The following BRWD3 variants were observed in gnomAD, a reference collection of about 807,000 sequenced individuals.
BRWD3 encodes bromodomain and WD repeat-containing protein 3.
In BRWD3, 10 loss-of-function variants were observed where a neutral mutation model predicts 149.7. The ratio of observed to expected loss-of-function variants is 0.07; its 90% CI spans 0.04 to 0.11. The LOEUF is 0.11. Ranked by LOEUF, BRWD3 falls within the 10% of genes least tolerant of loss-of-function variation. BRWD3 has a pLI of 1.00. For synonymous variants in BRWD3, 504 were observed against 456.7 expected, an observed-to-expected ratio of 1.10 and a Z score of -1.32; for missense variants, 940 against 1,373.2, an observed-to-expected ratio of 0.68 and a Z score of 4.99.
At position 80,808,626 on chromosome X, in the gene BRWD3, A is replaced by T. The variant is rs1334675167; in HGVS notation, c.121-28T>A. 4 of 1,182,077 alleles carry T rather than the reference A, an allele frequency of 3.4e-6. No homozygotes were observed. The African/African-American group carries it at 7.2e-5, about 21-fold the overall frequency. ...GGGGGCCGGACGAAAAGAAAGGGGG[A>T]AGCGGAGGCAAATGATGAAGGAAAA... On this transcript the variant is annotated intron_variant, in intron 3 of 40. Transcript: ENST00000373275.
intron 6 of BRWD3, among the ~76,000 whole-genome samples, chrX:80,790,219 GAT>G (rs2074165947): frequency 1.4e-5 from 1 of 73,491 alleles, no homozygotes; most frequent in Non-Finnish European, 2.6e-5. Context: ...AAAAAAAAAA[GAT>G]ATACCTTCAT....
chrX:80,743,494 T>C (rs1397278645), intron 8 of BRWD3, among the ~76,000 whole-genome samples: 1 of 111,849 alleles, frequency 8.9e-6, no homozygotes, highest in Admixed American at 9.5e-5. Flanking sequence ...CTTGCACCTC[T>C]GGTAGAATTC....
At chrX:80,754,977 C>T (rs1306142971) in intron 6 of BRWD3, among the ~76,000 whole-genome samples, 10 of 111,155 alleles carry the variant, frequency 9.0e-5, no homozygotes, top group South Asian at 3.8e-4. Flanking sequence ...CACTGGACTC[C>T]AGCCTGGGCA....
rs1466290358 is a variant in BRWD3 at position 80,669,746 on chromosome X, C to A, written c.*6863G>T. Reference sequence around the variant, plus strand: ...AATTCTAACTAGAATTGCAACATGACAAAAATCAACCACAAAAATCCTTAA... The same window carrying A: ...AATTCTAACTAGAATTGCAACATGAAAAAAATCAACCACAAAAATCCTTAA... On this transcript the variant is annotated 3_prime_UTR_variant, in exon 41 of 41. Transcript: ENST00000373275. Among the ~76,000 whole-genome samples, 1 of 110,706 alleles carries A rather than the reference C, an allele frequency of 9.0e-6. No homozygotes were observed. Among genetic ancestry groups the A allele is most frequent in the Non-Finnish European group, 1.9e-5 (1 of 52,857 alleles).
At chrX:80,783,384 T>TAA (rs57607463) in intron 6 of BRWD3, among the ~76,000 whole-genome samples, 22 of 85,128 alleles carry the variant, frequency 2.6e-4, no homozygotes, top group East Asian at 1.1e-3. Flanking sequence ...AGACCCTGTC[T>TAA]AAAAAAAAAA....
At chrX:80,716,746 C>A (rs12844417) in intron 19 of BRWD3, 3,910 of 119,533 alleles carry the variant, frequency 0.033, 74 homozygotes, top group Middle Eastern at 0.071. Flanking sequence ...TTGTTTCCAC[C>A]ATTTGGTTAT....
chrX:80,786,606 C>T (rs1338001813), intron 6 of BRWD3, among the ~76,000 whole-genome samples: 1 of 110,932 alleles, frequency 9.0e-6, no homozygotes, highest in Non-Finnish European at 1.9e-5. Context: ...CCTCCACCTC[C>T]GAGGTTCAAG....
intron 8 of BRWD3, among the ~76,000 whole-genome samples, chrX:80,740,498 A>T: frequency 8.9e-6 from 1 of 112,569 alleles, no homozygotes; most frequent in South Asian, 3.6e-4. Flanking sequence ...TAATCCCAGC[A>T]ATTTGGGAAG....
intron 6 of BRWD3, among the ~76,000 whole-genome samples, chrX:80,762,302 C>T (rs2073811899): frequency 8.9e-6 from 1 of 111,749 alleles, no homozygotes; most frequent in African/African-American, 3.3e-5. Context: ...TTACATATAA[C>T]AAAACTAAGG....
intron 17 of BRWD3, among the ~76,000 whole-genome samples, chrX:80,721,431 A>T (rs2073148498): frequency 9.0e-6 from 1 of 111,532 alleles, no homozygotes; most frequent in Admixed American, 9.6e-5. Flanking sequence ...CTGCTCTACA[A>T]CCTTTATGAG....
intron 24 of BRWD3, 54 bp from the exon 25 acceptor site, chrX:80,700,118 G>T: frequency 1.2e-6 from 1 of 851,812 alleles, no homozygotes; most frequent in Non-Finnish European, 1.7e-6. Flanking sequence ...AACTCTGTAT[G>T]TCCAATATAC....
chrX:80,808,804 C>T (rs1180764495), intron 3 of BRWD3, among the ~76,000 whole-genome samples: 9 of 102,697 alleles, frequency 8.8e-5, no homozygotes, highest in African/African-American at 2.8e-4. Context: ...TCCTGAAAAA[C>T]TGCCTCCCAC....
At chrX:80,768,304 G>GA (rs1352826078) in intron 6 of BRWD3, among the ~76,000 whole-genome samples, 1 of 110,973 alleles carries the variant, frequency 9.0e-6, no homozygotes, top group East Asian at 2.8e-4. Flanking sequence ...TGAAAGGAAG[G>GA]AAAAAATGTT....
In BRWD3 at chrX:80,676,662, G is replaced by A. The variant is rs1158391847; in HGVS notation, c.5356C>T (p.Arg1786Cys). The A allele has an allele frequency of 1.7e-6, 2 of 1,209,128 alleles. No homozygotes were observed. Among genetic ancestry groups the A allele is most frequent in the Non-Finnish European group, 2.2e-6 (2 of 893,899 alleles). ...ACCCTGGCTTTTTCTGTCATTTTACGCACTCTGCCTGATCTGGATGTACCA... is the reference window on the plus strand; with the variant it reads ...ACCCTGGCTTTTTCTGTCATTTTACACACTCTGCCTGATCTGGATGTACCA... The part of the protein sequence containing the change: ...NLGTSRSGRV[R>C]KMTEKARVSH... Residue 1786 changes from arginine (R) to cysteine (C), a missense_variant, in exon 41 of 41, where the codon CGT becomes TGT. Physicochemically the swap from Arg to Cys is radical, Grantham distance 180. Coordinates refer to ENST00000373275, the MANE Select transcript of BRWD3 (RefSeq NM_153252.5).
chrX:80,688,175 CAT>C (rs2072560109), intron 33 of BRWD3, 50 bp from the exon 34 acceptor site: 2 of 972,780 alleles, frequency 2.1e-6, no homozygotes, highest in Middle Eastern at 2.6e-4. Flanking sequence ...CATTCAAAGT[CAT>C]ATAAATTAGA....
intron 6 of BRWD3, among the ~76,000 whole-genome samples, chrX:80,787,945 G>A (rs1445816187): frequency 1.8e-5 from 2 of 109,306 alleles, no homozygotes; most frequent in Admixed American, 9.8e-5. Flanking sequence ...TTAGCTGGGC[G>A]TGGTGGCGGG....
intron 31 of BRWD3, among the ~76,000 whole-genome samples, 169 bp downstream of exon 31, chrX:80,690,884 A>G (rs1026247147): frequency 9.0e-6 from 1 of 111,565 alleles, no homozygotes; most frequent in Admixed American, 9.6e-5. Context: ...TATCCCCAAG[A>G]GTGAGAATCT....
At chrX:80,704,002 C>T (rs760624959) in intron 23 of BRWD3, among the ~76,000 whole-genome samples, 1 of 112,151 alleles carries the variant, frequency 8.9e-6, no homozygotes, top group South Asian at 3.7e-4. Flanking sequence ...TAACTACATA[C>T]ACCAAGTCTT....
At chrX:80,726,246 CTG>C (rs1395823093) in intron 14 of BRWD3, among the ~76,000 whole-genome samples, 1 of 92,663 alleles carries the variant, frequency 1.1e-5, no homozygotes, top group Non-Finnish European at 2.3e-5. Flanking sequence ...TGTTATATGT[CTG>C]TATAACATAT....
Sources: gnomAD v4.1 joint callset for allele counts (sites outside exome capture counted in the v4.1 genomes callset) on GRCh38, gnomAD v4.1.1 for gene constraint, MANE v1.5 for transcripts, NCBI Gene and HGNC (gene_info 2026-07-23, HGNC 2026-07-21) for gene names.